The following FBXW7 variants were observed in gnomAD, a reference collection of about 807,000 sequenced individuals.
FBXW7 encodes the protein F-box and WD repeat domain containing 7.
FBXW7 carries 11 observed loss-of-function variants against 86.3 expected under a neutral mutation model. The observed-to-expected ratio is 0.13, with a 90% CI of 0.08 to 0.21. The LOEUF (loss-of-function observed/expected upper bound fraction) is 0.21. Among genes scored for constraint, FBXW7 ranks in the 10% least tolerant of loss-of-function variants. FBXW7 has a pLI of 1.00. For missense variants in FBXW7, 488 were observed against 847.4 expected, an observed-to-expected ratio of 0.58 and a Z score of 5.27; for synonymous variants, 313 against 297.9, an observed-to-expected ratio of 1.05 and a Z score of -0.52.
At chr4:152,527,019 T>A (rs1321970533) in intron 2 of FBXW7, among the ~76,000 whole-genome samples, 2 of 152,252 alleles carry the variant, frequency 1.3e-5, no homozygotes, top group Non-Finnish European at 2.9e-5. Flanking sequence ...AAATCTTCTA[T>A]CTACAACACA....
At chr4:152,455,964 C>A (rs1354785142) in intron 2 of FBXW7, among the ~76,000 whole-genome samples, 2 of 152,080 alleles carry the variant, frequency 1.3e-5, no homozygotes, top group Non-Finnish European at 2.9e-5. Flanking sequence ...AACATATATA[C>A]AGCTTTTGGA....
rs1312814279 is a variant in FBXW7 at position 152,443,385 on chromosome 4, G to A, written c.-119-30856C>T. Among the ~76,000 whole-genome samples, 20 of 152,294 alleles carry A rather than the reference G, an allele frequency of 1.3e-4. No homozygotes were observed. In the East Asian group the frequency reaches 3.9e-3, roughly 29 times the overall value. On this transcript the variant is annotated intron_variant, in intron 2 of 13. Coordinates refer to ENST00000281708, the MANE Select transcript of FBXW7 (RefSeq NM_001349798.2). The stretch of plus-strand genomic sequence containing the variant: ...TTCTTTAAAATTAAACGATTAAAGT[G>A]TATGAAAGTGGGAGAAACATTTTCC...
chr4:152,364,199 A>AAG (rs1560808287), intron 4 of FBXW7, among the ~76,000 whole-genome samples: 7 of 152,200 alleles, frequency 4.6e-5, no homozygotes, highest in African/African-American at 1.7e-4. Flanking sequence ...TATTGAGGCC[A>AAG]GGCAGTCATC....
intron 2 of FBXW7, among the ~76,000 whole-genome samples, chr4:152,464,725 A>G (rs1743251917): frequency 6.6e-6 from 1 of 152,244 alleles, no homozygotes; most frequent in South Asian, 2.1e-4. Flanking sequence ...GAAGACAGTT[A>G]AAGAGATTTT....
chr4:152,361,233 T>C (rs975737063), intron 4 of FBXW7, among the ~76,000 whole-genome samples: 3 of 152,196 alleles, frequency 2.0e-5, no homozygotes, highest in African/African-American at 7.2e-5. Context: ...TTGACATAGC[T>C]GTCAAGTGAG....
chr4:152,492,678 G>A (rs571439175), intron 2 of FBXW7, among the ~76,000 whole-genome samples: 107 of 152,214 alleles, frequency 7.0e-4, no homozygotes, highest in South Asian at 4.1e-3. Context: ...GAAAAATGAG[G>A]AGCATATTAA....
intron 6 of FBXW7, 82 bp from the exon 7 acceptor site, chr4:152,338,018 C>T (rs1730334279): frequency 1.4e-6 from 2 of 1,407,940 alleles, no homozygotes; most frequent in South Asian, 1.4e-5. Flanking sequence ...CACATCTACA[C>T]ACAACCATAG....
At position 152,457,364 on chromosome 4, in the gene FBXW7, C is replaced by G. The variant is rs112832357; in HGVS notation, c.-119-44835G>C. On this transcript the variant is annotated intron_variant, in intron 2 of 13. Coordinates refer to ENST00000281708, the MANE Select transcript of FBXW7 (RefSeq NM_001349798.2). ...ATGCATTAATTAGAACTCAATAGGC[C>G]GGGTGCAGTGGCTCACGCCTGTAAT... Among the ~76,000 whole-genome samples the G allele has an allele frequency of 9.9e-5, 15 of 152,188 alleles. No individual in the cohort carries two copies. The South Asian group carries it at 1.9e-3, about 19-fold the overall frequency.
chr4:152,352,921 A>ATCTAAAGTC, intron 4 of FBXW7: 1 of 1,428,386 alleles, frequency 7.0e-7, no homozygotes. Context: ...CAGACTGCAC[A>ATCTAAAGTC]TCAATTATAT....
chr4:152,512,296 A>C (rs1748052595), intron 2 of FBXW7, among the ~76,000 whole-genome samples: 1 of 152,214 alleles, frequency 6.6e-6, no homozygotes, highest in African/African-American at 2.4e-5. Flanking sequence ...ACAGTAAACA[A>C]CAACAAGATG....
chr4:152,390,800 T>C (rs926992724), intron 4 of FBXW7, among the ~76,000 whole-genome samples: 1 of 151,986 alleles, frequency 6.6e-6, no homozygotes, highest in Non-Finnish European at 1.5e-5. Context: ...TACTAATAAT[T>C]AGGACTAAGG....
intron 4 of FBXW7, among the ~76,000 whole-genome samples, chr4:152,355,833 T>C (rs1034094267): frequency 6.6e-6 from 1 of 152,102 alleles, no homozygotes; most frequent in African/African-American, 2.4e-5. Flanking sequence ...TATATGATGA[T>C]ATGTTTGCCT....
At chr4:152,489,205 TC>T (rs1745618957) in intron 2 of FBXW7, 2 of 154,022 alleles carry the variant, frequency 1.3e-5, no homozygotes, top group East Asian at 3.9e-4. Context: ...GAAATGTCTG[TC>T]AGTTCACAAA....
chr4:152,418,675 A>T (rs544578981), intron 2 of FBXW7, among the ~76,000 whole-genome samples: 81 of 152,312 alleles, frequency 5.3e-4, no homozygotes, highest in African/African-American at 1.8e-3. Flanking sequence ...CCCAGACAAG[A>T]TGTAGATTTC....
At chr4:152,409,704 CTT>C (rs1420596747) in intron 4 of FBXW7, among the ~76,000 whole-genome samples, 1 of 149,794 alleles carries the variant, frequency 6.7e-6, no homozygotes, top group Admixed American at 6.8e-5. Flanking sequence ...TACATACACA[CTT>C]ATATAATAAA....
intron 2 of FBXW7, among the ~76,000 whole-genome samples, chr4:152,481,961 G>A (rs1267757207): frequency 6.6e-6 from 1 of 152,210 alleles, no homozygotes; most frequent in African/African-American, 2.4e-5. Context: ...CAAAGCAGCA[G>A]CAGGGTTTGA....
intron 2 of FBXW7, among the ~76,000 whole-genome samples, chr4:152,413,941 A>G (rs1377870319): frequency 6.6e-6 from 1 of 152,150 alleles, no homozygotes; most frequent in Non-Finnish European, 1.5e-5. Flanking sequence ...CGTTAATCAA[A>G]TACAGTTGAT....
At chr4:152,533,841 C>T (rs1750228421) in intron 2 of FBXW7, among the ~76,000 whole-genome samples, 1 of 152,180 alleles carries the variant, frequency 6.6e-6, no homozygotes, top group African/African-American at 2.4e-5. Flanking sequence ...TTAATCTAAT[C>T]AAGATCCTGA....
rs534205493 is a variant in FBXW7 at position 152,327,638 on chromosome 4, A to G, written c.1418+570T>C. Among the ~76,000 whole-genome samples, 6 of 152,134 alleles carry G rather than the reference A, an allele frequency of 3.9e-5. No individual in the cohort carries two copies. In the South Asian group the frequency reaches 1.2e-3, roughly 32 times the overall value. ...AATTCGTTAGTCAACAGTAGGCTCAAAAAGACTTAAGAACTGGGCAGTGAC... is the reference window on the plus strand; with the variant it reads ...AATTCGTTAGTCAACAGTAGGCTCAGAAAGACTTAAGAACTGGGCAGTGAC... On this transcript the variant is annotated intron_variant, in intron 11 of 13. Transcript: ENST00000281708.
Sources: allele counts gnomAD v4.1 joint callset (sites outside exome capture counted in the v4.1 genomes callset), GRCh38; gene constraint gnomAD v4.1.1; transcripts MANE v1.5; gene names NCBI Gene and HGNC (gene_info 2026-07-23, HGNC 2026-07-21).